Variants in FBLN2 observed in about 807,000 individuals in gnomAD.
FBLN2 encodes the protein fibulin 2, also known as fibulin-2.
FBLN2 carries 81 observed loss-of-function variants against 123.7 expected under a neutral mutation model. The observed-to-expected ratio is 0.65, with a 90% CI of 0.55 to 0.79. The LOEUF is 0.79. Among genes scored for constraint, FBLN2 ranks in the 30% least tolerant of loss-of-function variants. The pLI is 0.00. For missense variants in FBLN2, 1,603 were observed against 1,681.3 expected (o/e 0.95, Z 0.81); for synonymous variants, 699 against 701.4 (o/e 1.00, Z 0.05).
At chr3:13,555,811 G>A (rs922684514) in intron 1 of FBLN2, among the ~76,000 whole-genome samples, 3 of 152,208 alleles carry the variant, frequency 2.0e-5, no homozygotes, top group South Asian at 2.1e-4. Context: ...AGGCACACCC[G>A]TGCTGTCTAG....
intron 16 of FBLN2, among the ~76,000 whole-genome samples, chr3:13,631,735 G>A (rs545699863): frequency 7.9e-5 from 12 of 152,326 alleles, no homozygotes; most frequent in Non-Finnish European, 1.3e-4. Flanking sequence ...ACTATGGGGT[G>A]TTTCTACGGA....
At chr3:13,590,507 G>C (rs1704636422) in intron 2 of FBLN2, among the ~76,000 whole-genome samples, 1 of 152,000 alleles carries the variant, frequency 6.6e-6, no homozygotes, top group African/African-American at 2.4e-5. Flanking sequence ...TGTATTTTTA[G>C]TAGAGACGGG....
chr3:13,613,565 G>A (rs1034048201), intron 4 of FBLN2, among the ~76,000 whole-genome samples: 3 of 152,178 alleles, frequency 2.0e-5, no homozygotes, highest in African/African-American at 7.2e-5. Flanking sequence ...AGGAGAAAGA[G>A]GGGGAGCAAA....
intron 1 of FBLN2, among the ~76,000 whole-genome samples, chr3:13,566,075 G>A (rs913761146): frequency 6.6e-6 from 1 of 152,206 alleles, no homozygotes; most frequent in Admixed American, 6.5e-5. Context: ...CTGCCTGGCT[G>A]GCCACCGCAG....
intron 2 of FBLN2, among the ~76,000 whole-genome samples, chr3:13,581,589 G>T (rs111836687): frequency 1.4e-3 from 220 of 152,298 alleles, no homozygotes; most frequent in African/African-American, 5.0e-3. Context: ...CATTGTGTTG[G>T]CAGCCAGTCA....
chr3:13,589,260 A>G (rs981397312), intron 2 of FBLN2, among the ~76,000 whole-genome samples: 4 of 152,180 alleles, frequency 2.6e-5, no homozygotes, highest in Admixed American at 2.6e-4. Context: ...AGTCGCACAC[A>G]TCACTGGCTC....
At chr3:13,578,483 T>C (rs1704218278) in intron 2 of FBLN2, among the ~76,000 whole-genome samples, 1 of 152,242 alleles carries the variant, frequency 6.6e-6, no homozygotes, top group Non-Finnish European at 1.5e-5. Flanking sequence ...ACTCTTTCAC[T>C]TAGCACGATG....
At position 13,618,126 on chromosome 3, in the gene FBLN2, G is replaced by A. The variant is rs1259268422; in HGVS notation, c.1780G>A (p.Ala594Thr). 3 of 1,613,504 alleles carry A rather than the reference G, an allele frequency of 1.9e-6. No individual in the cohort carries two copies. The highest frequency in any genetic ancestry group is 2.7e-5 in the African/African-American group (2 of 75,078). ...AGAGGCCCTGTCACTGGGCACAGAG[G>A]CCGAGCTGCCGAACAGCCTGCCGGG... The part of the protein sequence containing the change: ...GREALSLGTE[A>T]ELPNSLPGDD... Residue 594 changes from alanine (A) to threonine (T), a missense_variant, in exon 6 of 18, where the codon GCC becomes ACC. Coordinates refer to ENST00000404922, the MANE Select transcript of FBLN2 (RefSeq NM_001004019.2).
chr3:13,627,309 G>A (rs931007824), intron 10 of FBLN2, among the ~76,000 whole-genome samples: 2 of 152,160 alleles, frequency 1.3e-5, no homozygotes, highest in Non-Finnish European at 2.9e-5. Flanking sequence ...GACAGTCTCC[G>A]GGGTTGGAGC....
At position 13,637,545 on chromosome 3, in the gene FBLN2, G is replaced by A. The variant is rs769071440; in HGVS notation, c.3339-17G>A. ...GGGTGGGCGAGCTGTGGGTGACCCGGCCTATCCTCCCTGCAGGAAGTGCGA... is the reference window on the plus strand; with the variant it reads ...GGGTGGGCGAGCTGTGGGTGACCCGACCTATCCTCCCTGCAGGAAGTGCGA... On this transcript the variant is annotated splice_polypyrimidine_tract_variant and intron_variant, in intron 17 of 17. Transcript: ENST00000404922. 2.5e-6 allele frequency: 4 copies of A among 1,584,572 alleles called. No individual in the cohort carries two copies. The highest frequency in any genetic ancestry group is 3.4e-6 in the Non-Finnish European group (4 of 1,162,098).
At chr3:13,579,639 G>A (rs1054891411) in intron 2 of FBLN2, among the ~76,000 whole-genome samples, 15 of 152,338 alleles carry the variant, frequency 9.8e-5, no homozygotes, top group African/African-American at 3.4e-4. Flanking sequence ...TTCTGTGTTT[G>A]ATGGCCGTGG....
At chr3:13,621,997 GC>G in intron 9 of FBLN2, 82 bp downstream of exon 9, 1 of 1,496,318 alleles carries the variant, frequency 6.7e-7, no homozygotes. Flanking sequence ...GTGGCCACAT[GC>G]CAAAGGGCCT....
chr3:13,583,174 T>G (rs1704391694), intron 2 of FBLN2, among the ~76,000 whole-genome samples: 2 of 152,264 alleles, frequency 1.3e-5, no homozygotes, highest in South Asian at 4.1e-4. Context: ...CCTCCTCTAC[T>G]GAGTCTGCAT....
At position 13,635,384 on chromosome 3, in the gene FBLN2, A is replaced by G. The variant is rs536765385; in HGVS notation, c.3215-1061A>G. Among the ~76,000 whole-genome samples the G allele has an allele frequency of 9.5e-4, 144 of 151,790 alleles. 4 individuals carry two copies. The South Asian group carries it at 0.029, about 31-fold the overall frequency. On this transcript the variant is annotated intron_variant, in intron 16 of 17. Transcript: ENST00000404922. ...CAGGGTGCCTGTGGGTTACACACACACACACACACACACACCCACACACAC... is the reference window on the plus strand; with the variant it reads ...CAGGGTGCCTGTGGGTTACACACACGCACACACACACACACCCACACACAC...
At position 13,594,760 on chromosome 3, in the gene FBLN2, A is replaced by C. The variant is rs542869511; in HGVS notation, c.1307-13302A>C. On this transcript the variant is annotated intron_variant, in intron 2 of 17. Coordinates refer to ENST00000404922, the MANE Select transcript of FBLN2 (RefSeq NM_001004019.2). ...TTTCAGGTGACACTCAGCTGGGGAC[A>C]CAGAGGGACCCCAGAGCCCGGGCTC... 3.0e-4 allele frequency among the ~76,000 whole-genome samples: 45 copies of C among 152,176 alleles called. No homozygotes were observed. In the South Asian group the frequency reaches 9.1e-3, roughly 31 times the overall value.
At chr3:13,637,449 AT>A in intron 17 of FBLN2, 112 bp from the exon 18 acceptor site, 1 of 975,372 alleles carries the variant, frequency 1.0e-6, no homozygotes, top group Non-Finnish European at 1.5e-6. Flanking sequence ...CTTCCCGGCC[AT>A]TAGGGAGAGA....
chr3:13,551,131 G>A (rs919643219), intron 1 of FBLN2, among the ~76,000 whole-genome samples: 3 of 152,194 alleles, frequency 2.0e-5, no homozygotes, highest in Admixed American at 6.5e-5. Flanking sequence ...GCCTTTGTGC[G>A]GCTGTGACTG....
At chr3:13,569,648 T>G (rs1703858600) in intron 1 of FBLN2, among the ~76,000 whole-genome samples, 1 of 151,992 alleles carries the variant, frequency 6.6e-6, no homozygotes, top group South Asian at 2.1e-4. Flanking sequence ...GGGCTAAGCC[T>G]GCAGTCCCGA....
At chr3:13,614,545 A>C (rs919262073) in intron 5 of FBLN2, among the ~76,000 whole-genome samples, 4 of 150,362 alleles carry the variant, frequency 2.7e-5, no homozygotes. Flanking sequence ...TCATTCATTC[A>C]CTCCCTCATT....
Sources: gnomAD v4.1 joint callset for allele counts (sites outside exome capture counted in the v4.1 genomes callset) on GRCh38, gnomAD v4.1.1 for gene constraint, MANE v1.5 for transcripts, NCBI Gene and HGNC (gene_info 2026-07-23, HGNC 2026-07-21) for gene names.